Variants in ARAP2 observed in about 807,000 individuals in gnomAD.
ARAP2 encodes the protein ArfGAP with RhoGAP domain, ankyrin repeat and PH domain 2, also known as arf-GAP with Rho-GAP domain, ANK repeat and PH domain-containing protein 2.
Under a neutral mutation model 194.5 loss-of-function variants are expected in ARAP2, and 148 were observed. That is an observed-to-expected ratio of 0.76 (90% CI 0.67 to 0.87). The LOEUF is 0.87. Among genes scored for constraint, ARAP2 ranks in the 40% least tolerant of loss-of-function variants. The pLI is 0.00. For synonymous variants in ARAP2, 695 were observed against 683.5 expected, an observed-to-expected ratio of 1.02 and a Z score of -0.26; for missense variants, 2,128 against 1,989.7, an observed-to-expected ratio of 1.07 and a Z score of -1.32.
rs1312947039 is a variant in ARAP2, at chr4:36,213,266, A to G, written c.1018T>C (p.Phe340Leu). The change falls in exon 4 of 33, where the codon TTC (phenylalanine) becomes CTC (leucine). Residue 340 changes from phenylalanine to leucine, a missense_variant. Coordinates refer to ENST00000303965, the MANE Select transcript of ARAP2 (RefSeq NM_015230.4). Reference sequence around the variant, plus strand: ...ACCTTGGAATTTTCTAGTCTCTGGAAGAGAAAGGTCTCTCCATAAGGAAAG... The same window carrying G: ...ACCTTGGAATTTTCTAGTCTCTGGAGGAGAAAGGTCTCTCCATAAGGAAAG... ...SIFPYGETFL[F>L]QRLENSKKRS... The G allele has an allele frequency of 6.2e-7, 1 of 1,607,458 alleles. No homozygotes were observed. Among genetic ancestry groups the G allele is most frequent in the South Asian group, 1.1e-5 (1 of 90,764 alleles).
In ARAP2 at chr4:36,128,687, G is replaced by A. The variant is rs749101908; in HGVS notation, c.3486C>T (p.Leu1162=). The change falls in exon 21 of 33, where the codon CTC becomes CTT. Residue 1162 remains leucine, a synonymous_variant. Coordinates refer to ENST00000303965, the MANE Select transcript of ARAP2 (RefSeq NM_015230.4). ...TTGCATCCTTTTTGAAACTCTCCAG[G>A]AGTTCACTTATATGCAAAGGATCAC... The part of the protein sequence containing the change: ...KNGDPLHISE[L]LESFKKDARS... 15 of 1,612,420 alleles carry A rather than the reference G, an allele frequency of 9.3e-6. No individual in the cohort carries two copies. The highest frequency in any genetic ancestry group is 1.3e-5 in the Non-Finnish European group (15 of 1,179,298).
chr4:36,083,089 A>G (rs1729962378), intron 29 of ARAP2, among the ~76,000 whole-genome samples: 1 of 152,088 alleles, frequency 6.6e-6, no homozygotes, highest in African/African-American at 2.4e-5. Context: ...TGTACTTCCC[A>G]GTAGACAGAG....
chr4:36,194,355 CTTTTTA>C (rs1234056600), intron 6 of ARAP2, among the ~76,000 whole-genome samples: 1 of 152,154 alleles, frequency 6.6e-6, no homozygotes, highest in Non-Finnish European at 1.5e-5. Flanking sequence ...CTTAGGCTTG[CTTTTTA>C]TTTTTATTTT....
intron 3 of ARAP2, among the ~76,000 whole-genome samples, chr4:36,051,316 T>C (rs1722627163): frequency 6.6e-6 from 1 of 151,968 alleles, no homozygotes; most frequent in Non-Finnish European, 1.5e-5. Context: ...CCTTCTCTAC[T>C]AAAAATACAA....
intron 8 of ARAP2, among the ~76,000 whole-genome samples, chr4:36,180,228 T>C (rs1162025951): frequency 6.6e-6 from 1 of 151,914 alleles, no homozygotes; most frequent in Admixed American, 6.6e-5. Context: ...GCCCAGATCA[T>C]GCCACTGCAC....
At chr4:36,121,087 G>T in intron 23 of ARAP2, 92 bp downstream of exon 23, 2 of 935,920 alleles carry the variant, frequency 2.1e-6, no homozygotes, top group Non-Finnish European at 3.0e-6. Context: ...TATGAATAAA[G>T]ATCTGAATAA....
chr4:36,239,358 G>C (rs564591655), intron 1 of ARAP2, among the ~76,000 whole-genome samples: 1 of 152,204 alleles, frequency 6.6e-6, no homozygotes, highest in South Asian at 2.1e-4. Flanking sequence ...AGTAGATAAG[G>C]AGTGGAAGCA....
At chr4:36,098,320 T>C (rs781525112) in intron 27 of ARAP2, among the ~76,000 whole-genome samples, 54 of 152,190 alleles carry the variant, frequency 3.5e-4, no homozygotes, top group Admixed American at 8.5e-4. Context: ...TTCCACTTCA[T>C]TCCCATTGTT....
chr4:36,118,173 G>A (rs1263505506), intron 24 of ARAP2, among the ~76,000 whole-genome samples: 1 of 150,842 alleles, frequency 6.6e-6, no homozygotes, highest in Admixed American at 6.6e-5. Flanking sequence ...TTTTCCTCCT[G>A]ACTTTCAATG....
chr4:36,158,627 G>C (rs552458520), intron 15 of ARAP2, 103 bp downstream of exon 15: 4 of 981,056 alleles, frequency 4.1e-6, no homozygotes, highest in African/African-American at 3.4e-5. Context: ...TCTACTTGGA[G>C]ATCAAATCTA....
upstream of ARAP2, among the ~76,000 whole-genome samples, chr4:36,244,762 G>T (rs1326560702): frequency 6.6e-6 from 1 of 152,168 alleles, no homozygotes; most frequent in East Asian, 1.9e-4. Flanking sequence ...CCACCTTCCC[G>T]GGACGGAGAT....
chr4:36,223,498 A>C (rs1235332014), intron 2 of ARAP2, among the ~76,000 whole-genome samples: 1 of 152,188 alleles, frequency 6.6e-6, no homozygotes, highest in Non-Finnish European at 1.5e-5. Context: ...AAATTCTATT[A>C]CTTAAATAGA....
At chr4:36,229,674 G>C (rs1751050059) in intron 1 of ARAP2, 29 bp from the exon 2 acceptor site, 1 of 434,610 alleles carries the variant, frequency 2.3e-6, no homozygotes, top group Admixed American at 3.8e-5. Flanking sequence ...TGATTCATTA[G>C]GCTATTTTAA....
At chr4:36,160,686 A>G in intron 12 of ARAP2, 45 bp from the exon 13 acceptor site, 1 of 1,333,202 alleles carries the variant, frequency 7.5e-7, no homozygotes, top group Non-Finnish European at 9.7e-7. Flanking sequence ...AGTTCATAAA[A>G]TATATTTGAA....
chr4:36,102,178 C>T (rs1164310372), intron 27 of ARAP2, among the ~76,000 whole-genome samples: 1 of 151,962 alleles, frequency 6.6e-6, no homozygotes, highest in African/African-American at 2.4e-5. Flanking sequence ...CCCTTCTAGA[C>T]ATATATCCTC....
chr4:36,233,091 G>T (rs1751807397), intron 1 of ARAP2, among the ~76,000 whole-genome samples: 1 of 152,076 alleles, frequency 6.6e-6, no homozygotes, highest in African/African-American at 2.4e-5. Context: ...AATCCTCTCT[G>T]CACATTAATG....
chr4:36,222,890 C>T (rs904060054), intron 2 of ARAP2, among the ~76,000 whole-genome samples: 1 of 152,000 alleles, frequency 6.6e-6, no homozygotes, highest in Non-Finnish European at 1.5e-5. Context: ...GACCAGGAAG[C>T]CAGAATTACT....
At chr4:36,111,199 T>C (rs996751911) in intron 26 of ARAP2, among the ~76,000 whole-genome samples, 3 of 151,960 alleles carry the variant, frequency 2.0e-5, no homozygotes, top group Non-Finnish European at 4.4e-5. Context: ...ATGTTTACAT[T>C]AGCAAACACA....
At chr4:36,114,327 C>A in intron 25 of ARAP2, 40 bp from the exon 26 acceptor site, 1 of 1,273,676 alleles carries the variant, frequency 7.9e-7, no homozygotes, top group South Asian at 1.3e-5. Flanking sequence ...ACGTGTTAGA[C>A]ACAGAAGTAG....
Sources: gnomAD v4.1 joint callset for allele counts (sites outside exome capture counted in the v4.1 genomes callset) on GRCh38, gnomAD v4.1.1 for gene constraint, MANE v1.5 for transcripts, NCBI Gene and HGNC (gene_info 2026-07-23, HGNC 2026-07-21) for gene names.